WFDC10B: variants seen among roughly 807,000 people sequenced by gnomAD.
WFDC10B encodes WAP four-disulfide core domain 10B.
WFDC10B carries 1 observed loss-of-function variant against 2.7 expected under a neutral mutation model. The ratio of observed to expected loss-of-function variants is 0.38; its 90% confidence interval spans 0.13 to 1.79. WFDC10B has a LOEUF of 1.79. Ranked by LOEUF, WFDC10B falls within the 40% of genes most tolerant of loss-of-function variation. The pLI is 0.33. For synonymous variants in WFDC10B, 26 were observed against 32.2 expected (o/e 0.81, Z 0.65); for missense variants, 71 against 87.8 (o/e 0.81, Z 0.76).
In WFDC10B at chr20:45,685,905, G is replaced by A. The variant is rs776899889; in HGVS notation, c.88C>T (p.Gln30Ter). 3.1e-6 allele frequency: 5 copies of A among 1,613,748 alleles called. No homozygotes were observed. In the African/African-American group the frequency reaches 4.0e-5, roughly 13 times the overall value. Residue 30 changes from glutamine (Q) to a stop codon, truncating the protein, a stop_gained, in exon 3 of 4, where the codon CAG becomes TAG. Coordinates refer to ENST00000330523, the MANE Select transcript of WFDC10B (RefSeq NM_172006.2). LOFTEE classifies it low-confidence loss of function (END_TRUNC). ...QGGYRDKMRM[Q>*]RIKVCEKRPS... is the part of the protein sequence containing the mutation. ...CATCCAGCAGCCCATCACCTACTCT[G>A]CATCCTCATCTTGTCACGGTATCCT...
chr20:45,686,632 C>T (rs1007654735), intron 2 of WFDC10B, among the ~76,000 whole-genome samples: 3 of 151,366 alleles, frequency 2.0e-5, no homozygotes, highest in African/African-American at 7.3e-5. Flanking sequence ...TAGGAAGTGG[C>T]TATTTGCATA....
chr20:45,699,576 CTG>C (rs1158400274), intron 2 of WFDC10B, among the ~76,000 whole-genome samples: 1 of 152,216 alleles, frequency 6.6e-6, no homozygotes, highest in Non-Finnish European at 1.5e-5. Flanking sequence ...GTTAGTGAGA[CTG>C]TAGGAAACGT....
intron 2 of WFDC10B, among the ~76,000 whole-genome samples, chr20:45,694,354 A>G (rs1351885830): frequency 6.6e-6 from 1 of 151,790 alleles, no homozygotes; most frequent in Non-Finnish European, 1.5e-5. Flanking sequence ...GCATATGGCA[A>G]ATAGTAGCAA....
At chr20:45,704,325 G>A (rs1984298143) in intron 2 of WFDC10B, 172 bp downstream of exon 2, 6 of 1,382,870 alleles carry the variant, frequency 4.3e-6, no homozygotes, top group Non-Finnish European at 5.8e-6. Context: ...CCACCACCCT[G>A]GAACCATGCA....
chr20:45,687,366 TATTCCATG>T (rs1247562767), intron 2 of WFDC10B, among the ~76,000 whole-genome samples: 5 of 152,348 alleles, frequency 3.3e-5, no homozygotes, highest in African/African-American at 1.2e-4. Flanking sequence ...TGCCACATAG[TATTCCATG>T]GTGTATATGT....
At chr20:45,699,841 T>C (rs905798910) in intron 2 of WFDC10B, among the ~76,000 whole-genome samples, 1 of 152,076 alleles carries the variant, frequency 6.6e-6, no homozygotes, top group Non-Finnish European at 1.5e-5. Context: ...ACCACGCCCA[T>C]CTAATTTTTG....
intron 2 of WFDC10B, among the ~76,000 whole-genome samples, chr20:45,689,559 C>A (rs1021201097): frequency 6.6e-6 from 1 of 152,108 alleles, no homozygotes; most frequent in African/African-American, 2.4e-5. Flanking sequence ...TCCTTCACGT[C>A]CCTTTTAAGT....
chr20:45,704,813 T>C, intron 1 of WFDC10B, 105 bp downstream of exon 1: 1 of 1,341,674 alleles, frequency 7.5e-7, no homozygotes, highest in Non-Finnish European at 1.1e-6. Context: ...CCCATCACCA[T>C]ATCCGTGAAT....
At chr20:45,696,226 C>CA (rs1983972973) in intron 2 of WFDC10B, among the ~76,000 whole-genome samples, 1 of 144,236 alleles carries the variant, frequency 6.9e-6, no homozygotes, top group Admixed American at 7.5e-5. Flanking sequence ...GCAGAGGTTG[C>CA]AGTGAGCCAA....
chr20:45,692,812 C>A (rs989007031), intron 2 of WFDC10B, among the ~76,000 whole-genome samples: 2 of 152,148 alleles, frequency 1.3e-5, no homozygotes, highest in Admixed American at 6.5e-5. Flanking sequence ...TCGTCTGAAG[C>A]CTTCTTCTCT....
chr20:45,702,901 G>A (rs1336343529), intron 2 of WFDC10B, among the ~76,000 whole-genome samples: 1 of 152,204 alleles, frequency 6.6e-6, no homozygotes, highest in Non-Finnish European at 1.5e-5. Flanking sequence ...AACATCTTCA[G>A]AATACTGGCG....
chr20:45,684,795 G>C lies in WFDC10B; in HGVS notation c.*35C>G. On this transcript the variant is annotated 3_prime_UTR_variant, in exon 4 of 4. Transcript: ENST00000330523. ...GCACAGTCTCGGATGGAAGGGTTCA[G>C]GGAGCAGGATGCACATCCCAGCCCA... 6 of 1,609,538 alleles carry C rather than the reference G, an allele frequency of 3.7e-6. No homozygotes were observed. Among genetic ancestry groups the C allele is most frequent in the Non-Finnish European group, 5.1e-6 (6 of 1,177,268 alleles).
intron 2 of WFDC10B, among the ~76,000 whole-genome samples, chr20:45,697,742 CTT>C (rs1162470530): frequency 5.3e-5 from 6 of 113,402 alleles, no homozygotes; most frequent in Non-Finnish European, 5.6e-5. Flanking sequence ...ATTTCTTTTT[CTT>C]TTTTTTTTTT....
At chr20:45,692,374 T>G (rs1983841960) in intron 2 of WFDC10B, among the ~76,000 whole-genome samples, 1 of 152,076 alleles carries the variant, frequency 6.6e-6, no homozygotes, top group Non-Finnish European at 1.5e-5. Flanking sequence ...TGAATCTGAA[T>G]GTTGGCCTGC....
At position 45,684,676 on chromosome 20, in the gene WFDC10B, T is replaced by G. The variant is rs1983545613; in HGVS notation, c.*154A>C. 1 of 1,025,010 alleles carries G rather than the reference T, an allele frequency of 9.8e-7. No individual in the cohort carries two copies. Among genetic ancestry groups the G allele is most frequent in the South Asian group, 1.6e-5 (1 of 61,574 alleles). The allele number at this position is 1,025,010 out of a possible 1,614,324, so 63.5% of individuals were successfully genotyped here. ...TCCATGGGCATTTGTTCTGGTTTAT[T>G]TGACAGGGACAGGGAGTTCAGACAC... On this transcript the variant is annotated 3_prime_UTR_variant, in exon 4 of 4. Coordinates refer to ENST00000330523, the MANE Select transcript of WFDC10B (RefSeq NM_172006.2).
Position 45,685,925 on chromosome 20 carries a change from T to G in WFDC10B, c.68A>C (p.Tyr23Ser), listed in dbSNP as rs777465985. ...ACTCTGCATCCTCATCTTGTCACGGTATCCTCCCTGGGCCTGCAGCAGCAG... is the reference window on the plus strand; with the variant it reads ...ACTCTGCATCCTCATCTTGTCACGGGATCCTCCCTGGGCCTGCAGCAGCAG... ...CVLLLQAQGG[Y>S]RDKMRMQRIK... is the part of the protein sequence containing the mutation. The change falls in exon 3 of 4, where the codon TAC (tyrosine) becomes TCC (serine). Residue 23 changes from tyrosine to serine, a missense_variant. By Grantham distance (144) the Tyr-to-Ser change is moderately radical. Coordinates refer to ENST00000330523, the MANE Select transcript of WFDC10B (RefSeq NM_172006.2). 6.2e-7 allele frequency: 1 copy of G among 1,614,084 alleles called. No homozygotes were observed. Among genetic ancestry groups the G allele is most frequent in the South Asian group, 1.1e-5 (1 of 91,070 alleles).
At chr20:45,693,487 G>C (rs1363131893) in intron 2 of WFDC10B, among the ~76,000 whole-genome samples, 1 of 152,214 alleles carries the variant, frequency 6.6e-6, no homozygotes, top group Non-Finnish European at 1.5e-5. Context: ...CCACCCAGTT[G>C]GAGCTTCCCG....
At chr20:45,689,485 C>A (rs1434041915) in intron 2 of WFDC10B, among the ~76,000 whole-genome samples, 1 of 152,074 alleles carries the variant, frequency 6.6e-6, no homozygotes, top group South Asian at 2.1e-4. Context: ...ATGGAATGTT[C>A]TTCCATTTGT....
At chr20:45,685,554 G>A (rs184397040) in intron 3 of WFDC10B, among the ~76,000 whole-genome samples, 3 of 152,200 alleles carry the variant, frequency 2.0e-5, no homozygotes, top group Admixed American at 2.0e-4. Context: ...ACCACTTCTA[G>A]ATGTTCACTC....
Sources: allele counts gnomAD v4.1 joint callset (sites outside exome capture counted in the v4.1 genomes callset), GRCh38; gene constraint gnomAD v4.1.1; transcripts MANE v1.5; gene names NCBI Gene and HGNC (gene_info 2026-07-23, HGNC 2026-07-21).